CAMK1D: variants seen among roughly 807,000 people sequenced by gnomAD.
The protein encoded by CAMK1D is calcium/calmodulin-dependent protein kinase type 1D.
CAMK1D carries 9 observed loss-of-function variants against 47.7 expected under a neutral mutation model. That is an observed-to-expected ratio of 0.19 (90% CI 0.11 to 0.33). The LOEUF (loss-of-function observed/expected upper bound fraction) is 0.33, where lower values mean the gene tolerates loss of function less well. Ranked by LOEUF, CAMK1D falls within the 10% of genes least tolerant of loss-of-function variation. CAMK1D has a pLI of 1.00. For missense variants in CAMK1D, 291 were observed against 488.7 expected (o/e 0.60, Z 3.81); for synonymous variants, 184 against 184.9 (o/e 0.99, Z 0.04).
chr10:12,541,652 G>T (rs552594449), intron 1 of CAMK1D, among the ~76,000 whole-genome samples: 1 of 151,592 alleles, frequency 6.6e-6, no homozygotes, highest in South Asian at 2.1e-4. Flanking sequence ...GAGCCACTGC[G>T]CCCAGCTGAC....
In CAMK1D at chr10:12,830,506, C is replaced by T. The variant is rs930570794; in HGVS notation, c.*1619C>T. The stretch of plus-strand genomic sequence containing the variant: ...TAGGGTCACCAAACGTCCCATTTGC[C>T]CGAGACTGAAGGATTTCTCAGGCTG... On this transcript the variant is annotated 3_prime_UTR_variant, in exon 11 of 11. Transcript: ENST00000619168. 2.6e-5 allele frequency: 4 copies of T among 152,164 alleles called. No individual in the cohort carries two copies. Among genetic ancestry groups the T allele is most frequent in the African/African-American group, 7.2e-5 (3 of 41,414 alleles). The allele number at this position is 152,164 out of a possible 1,614,324, so 9.4% of individuals were successfully genotyped here. A position where few individuals can be genotyped will look rare whatever the true frequency, so the allele number is the denominator to read the frequency against.
At chr10:12,450,076 C>G (rs1449176456) in intron 1 of CAMK1D, among the ~76,000 whole-genome samples, 2 of 135,750 alleles carry the variant, frequency 1.5e-5, no homozygotes, top group African/African-American at 5.3e-5. Context: ...TAGTGTCAAT[C>G]TCTGTTCCTT....
chr10:12,635,662 A>G (rs550039138), intron 2 of CAMK1D, among the ~76,000 whole-genome samples: 2 of 152,314 alleles, frequency 1.3e-5, no homozygotes, highest in Non-Finnish European at 2.9e-5. Context: ...AGGCCTACAG[A>G]TTTTAATGTG....
chr10:12,427,711 T>TG (rs1840294665), intron 1 of CAMK1D, among the ~76,000 whole-genome samples: 1 of 111,044 alleles, frequency 9.0e-6, no homozygotes, highest in Admixed American at 9.0e-5. Flanking sequence ...TTTTTTTTTT[T>TG]TTTTTTTTTT....
chr10:12,425,967 A>T (rs1219841449), intron 1 of CAMK1D, among the ~76,000 whole-genome samples: 1 of 152,254 alleles, frequency 6.6e-6, no homozygotes, highest in Non-Finnish European at 1.5e-5. Context: ...GCTATTAAAT[A>T]ATTCAGGCTC....
intron 6 of CAMK1D, among the ~76,000 whole-genome samples, chr10:12,813,943 ATT>A (rs113993296): frequency 8.0e-5 from 10 of 125,404 alleles, no homozygotes; most frequent in Admixed American, 1.6e-4. Flanking sequence ...ATGTCAGCTG[ATT>A]TTTTTTTTTT....
chr10:12,555,730 C>T (rs767435948), intron 2 of CAMK1D, among the ~76,000 whole-genome samples: 4 of 152,276 alleles, frequency 2.6e-5, no homozygotes, highest in Non-Finnish European at 4.4e-5. Flanking sequence ...AAAGGTTTTA[C>T]GTTGGGCACA....
intron 1 of CAMK1D, among the ~76,000 whole-genome samples, chr10:12,448,639 A>G (rs1832991310): frequency 6.6e-6 from 1 of 152,242 alleles, no homozygotes; most frequent in South Asian, 2.1e-4. Flanking sequence ...GTTGAGAAAA[A>G]CAAAGTGAAA....
At chr10:12,532,296 T>A (rs76180381) in intron 1 of CAMK1D, among the ~76,000 whole-genome samples, 1 of 151,558 alleles carries the variant, frequency 6.6e-6, no homozygotes, top group Non-Finnish European at 1.5e-5. Flanking sequence ...TTTTTTTTTT[T>A]TGAGACGGAG....
chr10:12,646,903 G>A (rs1839825159), intron 2 of CAMK1D, among the ~76,000 whole-genome samples: 1 of 151,874 alleles, frequency 6.6e-6, no homozygotes, highest in African/African-American at 2.4e-5. Flanking sequence ...GTGCAGTGGT[G>A]CGATTTCGGC....
intron 1 of CAMK1D, among the ~76,000 whole-genome samples, chr10:12,419,535 G>A (rs1839975065): frequency 6.6e-6 from 1 of 152,178 alleles, no homozygotes; most frequent in East Asian, 1.9e-4. Flanking sequence ...AGTCACCGCT[G>A]TGGTTTTCTT....
intron 2 of CAMK1D, among the ~76,000 whole-genome samples, chr10:12,665,094 T>A (rs2132547963): frequency 6.6e-6 from 1 of 152,370 alleles, no homozygotes; most frequent in Middle Eastern, 3.4e-3. Context: ...TATTTTCATA[T>A]GCTGTATGGC....
chr10:12,669,962 A>T (rs1840558389), intron 3 of CAMK1D, among the ~76,000 whole-genome samples: 1 of 151,422 alleles, frequency 6.6e-6, no homozygotes, highest in South Asian at 2.1e-4. Flanking sequence ...CAGTTGGCGG[A>T]CTCTATCGAG....
At chr10:12,624,878 A>T (rs1839157999) in intron 2 of CAMK1D, among the ~76,000 whole-genome samples, 1 of 152,140 alleles carries the variant, frequency 6.6e-6, no homozygotes, top group South Asian at 2.1e-4. Flanking sequence ...GGTATCCAGG[A>T]CCATGCCTAC....
chr10:12,362,537 C>G (rs996424485), intron 1 of CAMK1D, among the ~76,000 whole-genome samples: 6 of 152,096 alleles, frequency 3.9e-5, no homozygotes, highest in Non-Finnish European at 7.3e-5. Flanking sequence ...TCGCCCCGTC[C>G]CCCAGGCTGG....
At position 12,525,298 on chromosome 10, in the gene CAMK1D, C is replaced by T. The variant is rs112533488; in HGVS notation, c.93-27927C>T. ...CATACATGGGAAGTTTTCAGCCATTCTTTCTTTCAATATTTTTTTTCTGTA... is the reference window on the plus strand; with the variant it reads ...CATACATGGGAAGTTTTCAGCCATTTTTTCTTTCAATATTTTTTTTCTGTA... On this transcript the variant is annotated intron_variant, in intron 1 of 10. Coordinates refer to ENST00000619168, the MANE Select transcript of CAMK1D (RefSeq NM_153498.4). Among the ~76,000 whole-genome samples, 792 of 152,202 alleles carry T rather than the reference C, an allele frequency of 5.2e-3. 3 individuals are homozygous for T. The highest frequency in any genetic ancestry group is 0.019 in the African/African-American group (770 of 41,546).
chr10:12,538,555 G>A (rs549733281), intron 1 of CAMK1D, among the ~76,000 whole-genome samples: 16 of 152,296 alleles, frequency 1.1e-4, no homozygotes, highest in African/African-American at 3.8e-4. Flanking sequence ...TGTGTGTATG[G>A]TTTAGATACA....
chr10:12,541,889 T>TCCTTCCTTCCTTCCTTCCTTCCTTCCC (rs760116191), intron 1 of CAMK1D, among the ~76,000 whole-genome samples: 1 of 141,954 alleles, frequency 7.0e-6, no homozygotes, highest in African/African-American at 2.6e-5. Context: ...CTTCCTTCCT[T>TCCTTCCTTCCTTCCTTCCTTCCTTCCC]TTTTTTTTTC....
chr10:12,831,918 A>G lies in CAMK1D; in HGVS notation c.*3031A>G, dbSNP rs772677395. On this transcript the variant is annotated 3_prime_UTR_variant, in exon 11 of 11. Coordinates refer to ENST00000619168, the MANE Select transcript of CAMK1D (RefSeq NM_153498.4). ...TGTGCCTTTCGTGAAGGTCTGACAA[A>G]TGGGGTCTCAGAGTCCTAGGACCCG... The G allele has an allele frequency of 3.9e-5, 6 of 152,248 alleles. No homozygotes were observed. The highest frequency in any genetic ancestry group is 7.3e-5 in the Non-Finnish European group (5 of 68,056). The allele number at this position is 152,248 out of a possible 1,614,324, so 9.4% of individuals were successfully genotyped here.
Sources: allele counts gnomAD v4.1 joint callset (sites outside exome capture counted in the v4.1 genomes callset), GRCh38; gene constraint gnomAD v4.1.1; transcripts MANE v1.5; gene names NCBI Gene and HGNC (gene_info 2026-07-23, HGNC 2026-07-21).